Variants in ARHGEF18 observed in about 807,000 individuals in gnomAD.
ARHGEF18 encodes Rho/Rac guanine nucleotide exchange factor 18.
In ARHGEF18, 93 loss-of-function variants were observed where a neutral mutation model predicts 155.7. That is an observed-to-expected ratio of 0.60 (90% CI 0.50 to 0.71). ARHGEF18 has a LOEUF of 0.71. ARHGEF18 is among the 30% of genes least tolerant of loss of function. ARHGEF18 has a pLI of 0.00. For missense variants in ARHGEF18, 1,593 were observed against 1,816.1 expected (o/e 0.88, Z 2.23); for synonymous variants, 742 against 753.1 (o/e 0.99, Z 0.24).
intron 10 of ARHGEF18, among the ~76,000 whole-genome samples, chr19:7,404,398 A>T (rs1263294619): frequency 6.6e-6 from 1 of 150,970 alleles, no homozygotes; most frequent in Non-Finnish European, 1.5e-5. Context: ...AGAGAAACAC[A>T]GTTAGGTAGA....
At chr19:7,394,095 T>C (rs1017206143) in intron 10 of ARHGEF18, among the ~76,000 whole-genome samples, 35 of 151,326 alleles carry the variant, frequency 2.3e-4, no homozygotes, top group Admixed American at 4.6e-4. Flanking sequence ...TATAGCTCAC[T>C]GCAGCCTGGA....
At chr19:7,478,170 C>CCACCCATCA in the ARHGEF18 span, 2 of 838,216 alleles carry the variant, frequency 2.4e-6, no homozygotes, top group South Asian at 3.4e-5. Flanking sequence ...AAAGGTACCG[C>CCACCCATCA]CACCCACCAG....
intron 10 of ARHGEF18, among the ~76,000 whole-genome samples, chr19:7,400,330 T>C (rs1004082958): frequency 6.6e-6 from 1 of 152,102 alleles, no homozygotes; most frequent in African/African-American, 2.4e-5. Context: ...CTTATTATTT[T>C]TTTAAAAAAA....
At position 7,467,380 on chromosome 19, in the gene ARHGEF18, T is replaced by C; in HGVS notation, c.3176T>C (p.Leu1059Pro). 1.3e-6 allele frequency: 2 copies of C among 1,533,604 alleles called. No individual in the cohort carries two copies. The highest frequency in any genetic ancestry group is 1.7e-6 in the Non-Finnish European group (2 of 1,145,662). 95.0% of individuals were successfully genotyped at this position (1,533,604 alleles called of 1,614,324 possible). A position where few individuals can be genotyped will look rare whatever the true frequency, so the allele number is the denominator to read the frequency against. Reference protein sequence around the residue: ...QREERAALEKLQSQLRHEQQR... With the variant: ...QREERAALEKPQSQLRHEQQR... The stretch of plus-strand genomic sequence containing the variant: ...GAGGAGCGCGCGGCCCTGGAGAAGC[T>C]GCAGAGCCAGCTGCGGCACGAGCAG... Residue 1059 changes from leucine (L) to proline (P), a missense_variant, in exon 26 of 29, where the codon CTG becomes CCG. Leu to Pro is a moderately conservative substitution (Grantham distance 98). Transcript: ENST00000668164.
intron 16 of ARHGEF18, among the ~76,000 whole-genome samples, chr19:7,451,884 G>C (rs1975502586): frequency 6.6e-6 from 1 of 151,914 alleles, no homozygotes; most frequent in Non-Finnish European, 1.5e-5. Context: ...ACCACACCTA[G>C]CTAACTTTGA....
At chr19:7,362,070 G>GAC (rs1568264710) in intron 1 of ARHGEF18, among the ~76,000 whole-genome samples, 7 of 29,870 alleles carry the variant, frequency 2.3e-4, no homozygotes, top group African/African-American at 5.2e-4. Context: ...AGAAGGAGAA[G>GAC]GAGAAGGAGA....
At chr19:7,434,679 C>T (rs559778368) in intron 10 of ARHGEF18, among the ~76,000 whole-genome samples, 62 of 152,326 alleles carry the variant, frequency 4.1e-4, no homozygotes, top group African/African-American at 1.4e-3. Flanking sequence ...CCCTGTCTCT[C>T]TCGGAGCCAA....
intron 17 of ARHGEF18, among the ~76,000 whole-genome samples, chr19:7,455,864 A>G (rs936755888): frequency 6.6e-6 from 1 of 152,180 alleles, no homozygotes; most frequent in Non-Finnish European, 1.5e-5. Flanking sequence ...AAACTGTCAG[A>G]TCTTGTGAGA....
At chr19:7,458,835 A>G in intron 19 of ARHGEF18, 145 bp downstream of exon 19, 1 of 1,003,794 alleles carries the variant, frequency 1.0e-6, no homozygotes, top group Non-Finnish European at 1.4e-6. Context: ...GCTCCTTCTG[A>G]TGACTCAACC....
chr19:7,397,327 A>G (rs1971769271), intron 10 of ARHGEF18, among the ~76,000 whole-genome samples: 1 of 151,896 alleles, frequency 6.6e-6, no homozygotes, highest in East Asian at 1.9e-4. Flanking sequence ...GTGCAATAGC[A>G]CAATCATAGC....
intron 10 of ARHGEF18, among the ~76,000 whole-genome samples, chr19:7,385,915 C>CCTCTCTCCCT (rs1971030139): frequency 3.0e-5 from 1 of 33,724 alleles, no homozygotes; most frequent in Non-Finnish European, 4.7e-5. Context: ...TCCCTCTCTC[C>CCTCTCTCCCT]CTCTCTCTCT....
Position 7,440,079 on chromosome 19 carries a change from G to A in ARHGEF18, c.968-265G>A, listed in dbSNP as rs1049072316. ...CGCAGCCCAGCCTGGCGCCGCGCCGGGTCCCGGAGCCCCGGGCGCGAACAT... is the reference window on the plus strand; with the variant it reads ...CGCAGCCCAGCCTGGCGCCGCGCCGAGTCCCGGAGCCCCGGGCGCGAACAT... On this transcript the variant is annotated intron_variant, in intron 10 of 28. Coordinates refer to ENST00000668164, the MANE Select transcript of ARHGEF18 (RefSeq NM_001367823.1). This position sits in a 1 kb window ranked among gnomAD's most constrained non-coding sequence, Gnocchi z 5.4. The A allele has an allele frequency of 3.9e-6, 6 of 1,550,320 alleles. No homozygotes were observed. Among genetic ancestry groups the A allele is most frequent in the Non-Finnish European group, 3.5e-6 (4 of 1,146,574 alleles).
At chr19:7,350,767 GGTGTGTGTGTGTGTGTGTGTGTGTGT>G (rs71177199) in intron 1 of ARHGEF18, among the ~76,000 whole-genome samples, 6 of 19,458 alleles carry the variant, frequency 3.1e-4, no homozygotes, top group African/African-American at 6.9e-4. Flanking sequence ...TTTTGGGGTG[GGTGTGTGTGTGTGTGTGTGTGTGTGT>G]GTGTGTGTGT....
chr19:7,477,322 G>A (rs1170473974), downstream of ARHGEF18: 12 of 1,558,460 alleles, frequency 7.7e-6, no homozygotes, highest in Middle Eastern at 1.7e-4. Flanking sequence ...CCCACAGCAC[G>A]CCCCGGGGCA....
At chr19:7,368,386 A>G (rs1263262559) in intron 2 of ARHGEF18, among the ~76,000 whole-genome samples, 1 of 152,090 alleles carries the variant, frequency 6.6e-6, no homozygotes, top group East Asian at 1.9e-4. Flanking sequence ...AGGGCAGCGT[A>G]CGATGCTTAC....
chr19:7,355,131 CT>C (rs1183172981), intron 1 of ARHGEF18, among the ~76,000 whole-genome samples: 3 of 149,978 alleles, frequency 2.0e-5, no homozygotes, highest in Non-Finnish European at 3.0e-5. Context: ...CACAGAGACA[CT>C]TTTAAAACTA....
chr19:7,383,293 A>G (rs1970834805), intron 10 of ARHGEF18, 90 bp downstream of exon 10: 5 of 1,217,884 alleles, frequency 4.1e-6, no homozygotes, highest in Non-Finnish European at 4.1e-6. Flanking sequence ...GTCTCTTTTG[A>G]TGTGTGCATC....
chr19:7,424,564 C>A (rs1973545066), intron 10 of ARHGEF18, among the ~76,000 whole-genome samples: 1 of 152,102 alleles, frequency 6.6e-6, no homozygotes, highest in Non-Finnish European at 1.5e-5. Context: ...TTGTGTGTTC[C>A]CTGCAACTAT....
At chr19:7,389,173 CAG>C (rs1258383349) in intron 10 of ARHGEF18, among the ~76,000 whole-genome samples, 5 of 146,518 alleles carry the variant, frequency 3.4e-5, no homozygotes, top group Non-Finnish European at 7.6e-5. Context: ...TTTTTTGAGA[CAG>C]AGTCTCGCTC....
Sources: allele counts gnomAD v4.1 joint callset (sites outside exome capture counted in the v4.1 genomes callset), GRCh38; gene constraint gnomAD v4.1.1; non-coding constraint Gnocchi (gnomAD v3.1); transcripts MANE v1.5; gene names NCBI Gene and HGNC (gene_info 2026-07-23, HGNC 2026-07-21).